The following MAGI2 variants were observed in gnomAD, a reference collection of about 807,000 sequenced individuals.
The protein encoded by MAGI2 is membrane associated guanylate kinase, WW and PDZ domain containing 2.
A neutral mutation model predicts 133.3 loss-of-function variants in MAGI2; 35 were observed. The ratio of observed to expected loss-of-function variants is 0.26; its 90% CI spans 0.20 to 0.35. The LOEUF (loss-of-function observed/expected upper bound fraction) is 0.35, where lower values mean the gene tolerates loss of function less well. Ranked by LOEUF, MAGI2 falls within the 10% of genes least tolerant of loss-of-function variation. The pLI is 1.00. For synonymous variants in MAGI2, 729 were observed against 710.6 expected, an observed-to-expected ratio of 1.03 and a Z score of -0.41; for missense variants, 1,636 against 1,863.4, an observed-to-expected ratio of 0.88 and a Z score of 2.25.
chr7:79,163,439 G>A (rs543243673), intron 1 of MAGI2, among the ~76,000 whole-genome samples: 39 of 152,148 alleles, frequency 2.6e-4, no homozygotes, highest in Non-Finnish European at 4.6e-4. Context: ...CTCCCAAAGT[G>A]CTAGGATTAC....
intron 11 of MAGI2, among the ~76,000 whole-genome samples, chr7:78,200,478 T>C (rs566921091): frequency 6.6e-6 from 1 of 152,186 alleles, no homozygotes; most frequent in Non-Finnish European, 1.5e-5. Flanking sequence ...ATCTCCAGTA[T>C]CTGAAGAAGA....
At chr7:78,760,510 G>T (rs1429326362) in intron 2 of MAGI2, among the ~76,000 whole-genome samples, 1 of 151,850 alleles carries the variant, frequency 6.6e-6, no homozygotes. Context: ...TTACAGATAT[G>T]CACCACCGTA....
At chr7:79,012,769 G>A (rs1808292809) in intron 1 of MAGI2, among the ~76,000 whole-genome samples, 1 of 152,176 alleles carries the variant, frequency 6.6e-6, no homozygotes, top group Non-Finnish European at 1.5e-5. Context: ...ACTTAAAGCT[G>A]CTATAACAAT....
chr7:79,428,896 C>A (rs1847581669), intron 1 of MAGI2, among the ~76,000 whole-genome samples: 1 of 151,974 alleles, frequency 6.6e-6, no homozygotes, highest in African/African-American at 2.4e-5. Context: ...TGTCTGTTTT[C>A]CAATAGGTAA....
intron 1 of MAGI2, among the ~76,000 whole-genome samples, chr7:79,369,977 C>T (rs990809655): frequency 6.6e-6 from 1 of 151,840 alleles, no homozygotes; most frequent in East Asian, 1.9e-4. Flanking sequence ...TATATTATGT[C>T]TGTTTCTCTG....
At chr7:78,027,730 A>G (rs1290759582) in intron 21 of MAGI2, among the ~76,000 whole-genome samples, 1 of 152,228 alleles carries the variant, frequency 6.6e-6, no homozygotes, top group Non-Finnish European at 1.5e-5. Context: ...TATCTACTTA[A>G]AAAAATATCT....
chr7:78,984,445 T>C (rs1406838617), intron 2 of MAGI2, among the ~76,000 whole-genome samples: 1 of 151,904 alleles, frequency 6.6e-6, no homozygotes, highest in South Asian at 2.1e-4. Flanking sequence ...TTTAACATTA[T>C]CTTCTACCAC....
At chr7:79,350,561 T>C (rs1034050800) in intron 1 of MAGI2, among the ~76,000 whole-genome samples, 2 of 152,124 alleles carry the variant, frequency 1.3e-5, no homozygotes, top group Non-Finnish European at 2.9e-5. Context: ...TAGTTCTGTT[T>C]TAATTACAGA....
chr7:78,655,999 A>G lies in MAGI2; in HGVS notation c.419-28760T>C, dbSNP rs1370035400. Among the ~76,000 whole-genome samples, 6 of 130,606 alleles carry G rather than the reference A, an allele frequency of 4.6e-5. No individual in the cohort carries two copies. In the East Asian group the frequency reaches 1.1e-3, roughly 25 times the overall value. The allele number at this position is 130,606 out of a possible 152,430, so 85.7% of individuals were successfully genotyped here. On this transcript the variant is annotated intron_variant, in intron 2 of 21. Transcript: ENST00000354212. ...CCGTCTCAAAAAAAAAAAAAAAAAG[A>G]AAAAGAAAAGAGGTTTGAAAAAATT...
chr7:79,191,540 C>T (rs928336371), intron 1 of MAGI2, among the ~76,000 whole-genome samples: 12 of 150,248 alleles, frequency 8.0e-5, no homozygotes, highest in Admixed American at 6.6e-4. Flanking sequence ...GCCTCAGCCT[C>T]CCAAGTAGTT....
intron 2 of MAGI2, among the ~76,000 whole-genome samples, chr7:78,865,331 G>C (rs1794471608): frequency 2.0e-5 from 3 of 152,158 alleles, no homozygotes; most frequent in Admixed American, 2.0e-4. Flanking sequence ...GAATTAAGAA[G>C]AGTGCTTTGT....
At chr7:79,292,079 T>C (rs948893028) in intron 1 of MAGI2, among the ~76,000 whole-genome samples, 1 of 152,196 alleles carries the variant, frequency 6.6e-6, no homozygotes, top group Non-Finnish European at 1.5e-5. Flanking sequence ...TTAATTTTTA[T>C]ATGTGATGTG....
chr7:78,214,795 C>A (rs1021225113), intron 10 of MAGI2, among the ~76,000 whole-genome samples: 3 of 152,192 alleles, frequency 2.0e-5, no homozygotes, highest in Non-Finnish European at 4.4e-5. Flanking sequence ...TTTCTCATAA[C>A]TACAATAGCA....
intron 2 of MAGI2, among the ~76,000 whole-genome samples, chr7:78,817,854 C>T (rs902722804): frequency 2.6e-5 from 4 of 152,002 alleles, no homozygotes; most frequent in Non-Finnish European, 4.4e-5. Context: ...GGATTACAGG[C>T]ATGCACCACC....
At chr7:79,011,924 C>CTTTCTTT (rs1808170160) in intron 1 of MAGI2, among the ~76,000 whole-genome samples, 375 of 121,282 alleles carry the variant, frequency 3.1e-3, no homozygotes, top group African/African-American at 0.011. Flanking sequence ...TTCCTTCCTT[C>CTTTCTTT]CTTTCTTTCT....
At chr7:78,923,400 A>C (rs996662600) in intron 2 of MAGI2, among the ~76,000 whole-genome samples, 12 of 152,088 alleles carry the variant, frequency 7.9e-5, no homozygotes, top group Non-Finnish European at 1.0e-4. Flanking sequence ...CCAGCTTCAG[A>C]TTTCTACATA....
intron 1 of MAGI2, among the ~76,000 whole-genome samples, chr7:79,028,360 C>T (rs887013909): frequency 1.4e-5 from 2 of 141,028 alleles, no homozygotes; most frequent in African/African-American, 2.7e-5. Flanking sequence ...CACACATACA[C>T]ACACACACAC....
chr7:78,246,851 C>T lies in MAGI2; in HGVS notation c.2047+9092G>A, dbSNP rs146408273. Among the ~76,000 whole-genome samples, 152 of 152,238 alleles carry T rather than the reference C, an allele frequency of 1.0e-3. 2 individuals carry two copies. Among genetic ancestry groups the T allele is most frequent in the Middle Eastern group, 3.4e-3 (1 of 294 alleles). On this transcript the variant is annotated intron_variant, in intron 10 of 21. Transcript: ENST00000354212. ...TTCTTTTCTGGAGCCAGGCCAGTGCCGTGCCCTGCCCTCAGGGTCAGAGAC... is the reference window on the plus strand; with the variant it reads ...TTCTTTTCTGGAGCCAGGCCAGTGCTGTGCCCTGCCCTCAGGGTCAGAGAC...
chr7:78,681,253 A>C (rs138509096), intron 2 of MAGI2, among the ~76,000 whole-genome samples: 1 of 152,292 alleles, frequency 6.6e-6, no homozygotes, highest in African/African-American at 2.4e-5. Context: ...ACACTTATCA[A>C]TTAGGCCAGA....
Sources: gnomAD v4.1 joint callset for allele counts (sites outside exome capture counted in the v4.1 genomes callset) on GRCh38, gnomAD v4.1.1 for gene constraint, MANE v1.5 for transcripts, NCBI Gene and HGNC (gene_info 2026-07-23, HGNC 2026-07-21) for gene names.